The following DCAF15 variants were observed in gnomAD, a reference collection of about 807,000 sequenced individuals.
The protein encoded by DCAF15 is DDB1- and CUL4-associated factor 15.
In DCAF15, 24 loss-of-function variants were observed where a neutral mutation model predicts 68.0. The observed-to-expected ratio is 0.35, with a 90% confidence interval of 0.26 to 0.50. The LOEUF (loss-of-function observed/expected upper bound fraction) is 0.50. Ranked by LOEUF, DCAF15 falls within the 20% of genes least tolerant of loss-of-function variation. The probability of loss-of-function intolerance (pLI) is 0.98; values close to 1 mark genes in which losing one functional copy is unlikely to be tolerated. For missense variants in DCAF15, 627 were observed against 830.6 expected, an observed-to-expected ratio of 0.75 and a Z score of 3.01; for synonymous variants, 376 against 341.6, an observed-to-expected ratio of 1.10 and a Z score of -1.11.
At position 13,954,515 on chromosome 19, in the gene DCAF15, C is replaced by T. The variant is rs1418520347; in HGVS notation, c.231-11C>T. On this transcript the variant is annotated splice_polypyrimidine_tract_variant and intron_variant, in intron 2 of 12. Transcript: ENST00000254337. ...CCTGACCTGGCCGCTGTGCCCCCTCCACCCCCACAGACATATCTTCCTGGG... is the reference window on the plus strand; with the variant it reads ...CCTGACCTGGCCGCTGTGCCCCCTCTACCCCCACAGACATATCTTCCTGGG... The T allele has an allele frequency of 1.9e-6, 3 of 1,614,164 alleles. No homozygotes were observed. Among genetic ancestry groups the T allele is most frequent in the Admixed American group, 1.7e-5 (1 of 60,012 alleles).
intron 1 of DCAF15, chr19:13,952,923 G>A: frequency 1.2e-6 from 1 of 849,038 alleles, no homozygotes; most frequent in Non-Finnish European, 1.7e-6. Context: ...GGAGGGAGGC[G>A]ACCCCAGAGG....
rs773923258 is a variant in DCAF15, at chr19:13,961,280, G to A, written c.*285G>A. On this transcript the variant is annotated 3_prime_UTR_variant, in exon 13 of 13. Transcript: ENST00000254337. Reference sequence around the variant, plus strand: ...GAGCTGGGCATGGGCCTGGCCCCTCGTGCATTTGCCCTTTTCTCGGCTACA... The same window carrying A: ...GAGCTGGGCATGGGCCTGGCCCCTCATGCATTTGCCCTTTTCTCGGCTACA... The A allele has an allele frequency of 5.7e-5, 30 of 529,388 alleles. No individual in the cohort carries two copies. Among genetic ancestry groups the A allele is most frequent in the South Asian group, 8.4e-5 (4 of 47,426 alleles). 32.8% of individuals were successfully genotyped at this position (529,388 alleles called of 1,614,324 possible).
Position 13,952,557 on chromosome 19 carries a change from C to G in DCAF15, c.45C>G (p.Ser15Arg). The G allele has an allele frequency of 1.6e-6, 2 of 1,261,382 alleles. No homozygotes were observed. Among genetic ancestry groups the G allele is most frequent in the Non-Finnish European group, 2.0e-6 (2 of 999,074 alleles). The allele number at this position is 1,261,382 out of a possible 1,614,324, so 78.1% of individuals were successfully genotyped here. The change falls in exon 1 of 13, where the codon AGC (serine) becomes AGG (arginine). Residue 15 changes from serine to arginine, a missense_variant. This residue lies in a region of DCAF15 where 273 missense variants were observed against 393.7 expected (regional missense o/e 0.69). Transcript: ENST00000254337. Reference sequence around the variant, plus strand: ...CGGAGCGGAACAGCGGGGCTGGGAGCGGCGGCGGCGGCCCCGGGGGAGCCG... The same window carrying G: ...CGGAGCGGAACAGCGGGGCTGGGAGGGGCGGCGGCGGCCCCGGGGGAGCCG... ...SKSERNSGAGSGGGGPGGAGG... is the reference protein window; with the variant it reads ...SKSERNSGAGRGGGGPGGAGG...
intron 10 of DCAF15, 30 bp downstream of exon 10, chr19:13,960,099 C>T (rs755448232): frequency 6.2e-7 from 1 of 1,611,000 alleles, no homozygotes; most frequent in Non-Finnish European, 8.5e-7. Flanking sequence ...CCTCTCTGTC[C>T]ACTAGGGGGG....
chr19:13,961,220 C>T lies in DCAF15; in HGVS notation c.*225C>T, dbSNP rs1781820732. 6.7e-6 allele frequency: 4 copies of T among 598,194 alleles called. No individual in the cohort carries two copies. The highest frequency in any genetic ancestry group is 1.9e-5 in the South Asian group (1 of 51,638). The allele number at this position is 598,194 out of a possible 1,614,324, so 37.1% of individuals were successfully genotyped here. ...GGAAGGGGCAGAGAGAGGGCGCCCC[C>T]TGCCCCACCAGCCTGAGTGCCCCGC... On this transcript the variant is annotated 3_prime_UTR_variant, in exon 13 of 13. Transcript: ENST00000254337.
chr19:13,960,621 A>T, intron 12 of DCAF15, 41 bp downstream of exon 12: 3 of 1,512,594 alleles, frequency 2.0e-6, no homozygotes, highest in Non-Finnish European at 2.7e-6. Context: ...GTCACCAGGA[A>T]CACTTGTCCT....
At chr19:13,960,775 A>T (rs1228301407) in intron 12 of DCAF15, among the ~76,000 whole-genome samples, 165 bp from the exon 13 acceptor site, 1 of 152,208 alleles carries the variant, frequency 6.6e-6, no homozygotes, top group African/African-American at 2.4e-5. Flanking sequence ...CTGGTCACTC[A>T]TTCACGCTAC....
At chr19:13,958,352 G>C (rs1973451138) in intron 6 of DCAF15, among the ~76,000 whole-genome samples, 2 of 152,150 alleles carry the variant, frequency 1.3e-5, no homozygotes, top group South Asian at 4.1e-4. Context: ...CACGGTGGTG[G>C]AGGGGAGCCC....
rs964471654 is a variant in DCAF15 at position 13,960,571 on chromosome 19, C to G, written c.1738C>G (p.Leu580Val). 18 of 1,589,292 alleles carry G rather than the reference C, an allele frequency of 1.1e-5. No homozygotes were observed. Among genetic ancestry groups the G allele is most frequent in the Non-Finnish European group, 1.5e-5 (18 of 1,169,336 alleles). The change falls in exon 12 of 13, where the codon CTG becomes GTG. Residue 580 changes from leucine to valine, a missense_variant. Physicochemically the swap from Leu to Val is conservative, Grantham distance 32 (BLOSUM62 1). This residue lies in a region of DCAF15 where 118 missense variants were observed against 211.8 expected (regional missense o/e 0.56). Coordinates refer to ENST00000254337, the MANE Select transcript of DCAF15 (RefSeq NM_138353.4). ...CGTCAACAGGATGACCAATGAGGCGCTGCACAAAGGTGGGGCTCGGTGACC... is the reference window on the plus strand; with the variant it reads ...CGTCAACAGGATGACCAATGAGGCGGTGCACAAAGGTGGGGCTCGGTGACC... ...RYVNRMTNEA[L>V]HKGCSLKVLA...
chr19:13,957,123 G>A (rs1199947364), intron 6 of DCAF15, among the ~76,000 whole-genome samples: 1 of 152,172 alleles, frequency 6.6e-6, no homozygotes, highest in Non-Finnish European at 1.5e-5. Flanking sequence ...ACGGGGTAGC[G>A]CCCCTTTCTC....
Position 13,959,948 on chromosome 19 carries a change from C to T in DCAF15, c.1441-36C>T, listed in dbSNP as rs10402005. On this transcript the variant is annotated intron_variant, in intron 9 of 12. Coordinates refer to ENST00000254337, the MANE Select transcript of DCAF15 (RefSeq NM_138353.4). Reference sequence around the variant, plus strand: ...CAGGGCCTCCTGTACTCTGGGGTCGCCCTCAACAGTTGGCATCATCCACCC... The same window carrying T: ...CAGGGCCTCCTGTACTCTGGGGTCGTCCTCAACAGTTGGCATCATCCACCC... 5.8e-3 allele frequency: 9,408 copies of T among 1,613,590 alleles called. 270 individuals carry two copies. In the African/African-American group the frequency reaches 0.075, roughly 13 times the overall value.
chr19:13,958,600 C>T (rs1973460085), intron 6 of DCAF15, among the ~76,000 whole-genome samples: 1 of 152,120 alleles, frequency 6.6e-6, no homozygotes, highest in Non-Finnish European at 1.5e-5. Context: ...AGTGTGCCCG[C>T]AGTGGTCTGG....
rs753867763 is a variant in DCAF15 at position 13,959,758 on chromosome 19, C to T, written c.1312-9C>T. The T allele has an allele frequency of 9.3e-6, 15 of 1,613,532 alleles. No individual in the cohort carries two copies. Among genetic ancestry groups the T allele is most frequent in the African/African-American group, 1.3e-5 (1 of 74,938 alleles). On this transcript the variant is annotated splice_polypyrimidine_tract_variant and intron_variant, in intron 8 of 12. Transcript: ENST00000254337. ...GCACCGTCCCCTGCGCCTACCCACT[C>T]ACCCGCAGGGCCAGTACCTGACAGT...
rs542459629 is a variant in DCAF15 at position 13,954,595 on chromosome 19, C to T, written c.300C>T (p.Asp100=). 1.4e-5 allele frequency: 22 copies of T among 1,614,168 alleles called. No individual in the cohort carries two copies. The highest frequency in any genetic ancestry group is 8.0e-5 in the African/African-American group (6 of 75,026). Residue 100 remains aspartate, a synonymous_variant, in exon 3 of 13, where the codon GAC becomes GAT. Coordinates refer to ENST00000254337, the MANE Select transcript of DCAF15 (RefSeq NM_138353.4). ...CCTACACCAGCAGCAGTGGGGATGA[C>T]GACTTCTCCTTCTACATCTACCATC... ...VLSYTSSSGD[D]DFSFYIYHLY...
rs762899262 is a variant in DCAF15 at position 13,954,520 on chromosome 19, C to G, written c.231-6C>G. 1.2e-6 allele frequency: 2 copies of G among 1,614,196 alleles called. No homozygotes were observed. The highest frequency in any genetic ancestry group is 3.3e-5 in the Admixed American group (2 of 60,018). Reference sequence around the variant, plus strand: ...CCTGGCCGCTGTGCCCCCTCCACCCCCACAGACATATCTTCCTGGGCTTTT... The same window carrying G: ...CCTGGCCGCTGTGCCCCCTCCACCCGCACAGACATATCTTCCTGGGCTTTT... On this transcript the variant is annotated splice_polypyrimidine_tract_variant and splice_region_variant and intron_variant, in intron 2 of 12. Coordinates refer to ENST00000254337, the MANE Select transcript of DCAF15 (RefSeq NM_138353.4).
chr19:13,959,388 C>T lies in DCAF15; in HGVS notation c.1128C>T (p.Ala376=). ...GETAPRDSPP[A]SEAPASEPGY... is the part of the protein sequence containing the mutation. ...CGGCACCCCGGGACAGCCCCCCTGCCTCGGAGGCACCTGCCTCCGAGCCTG... is the reference window on the plus strand; with the variant it reads ...CGGCACCCCGGGACAGCCCCCCTGCTTCGGAGGCACCTGCCTCCGAGCCTG... The change falls in exon 7 of 13, where the codon GCC becomes GCT. Residue 376 remains alanine, a synonymous_variant. Transcript: ENST00000254337. 1.2e-6 allele frequency: 2 copies of T among 1,606,128 alleles called. No homozygotes were observed. Among genetic ancestry groups the T allele is most frequent in the South Asian group, 1.1e-5 (1 of 91,074 alleles).
Position 13,961,155 on chromosome 19 carries a change from T to C in DCAF15, c.*160T>C. The C allele has an allele frequency of 6.0e-6, 5 of 831,996 alleles. No homozygotes were observed. Among genetic ancestry groups the C allele is most frequent in the Non-Finnish European group, 9.5e-6 (5 of 524,164 alleles). 51.5% of individuals were successfully genotyped at this position (831,996 alleles called of 1,614,324 possible). ...CTGGGCAGGGCAGCCTCTGTTGGCCTGAGGGTCTGGACGCTTTTTATTTAT... is the reference window on the plus strand; with the variant it reads ...CTGGGCAGGGCAGCCTCTGTTGGCCCGAGGGTCTGGACGCTTTTTATTTAT... On this transcript the variant is annotated 3_prime_UTR_variant, in exon 13 of 13. Transcript: ENST00000254337.
chr19:13,955,022 C>T (rs1973293480), intron 3 of DCAF15, among the ~76,000 whole-genome samples: 1 of 151,428 alleles, frequency 6.6e-6, no homozygotes, highest in Non-Finnish European at 1.5e-5. Context: ...AGGAGGATCA[C>T]CTGAGCCCAA....
chr19:13,956,606 G>C, intron 6 of DCAF15, 84 bp downstream of exon 6: 1 of 1,478,942 alleles, frequency 6.8e-7, no homozygotes, highest in South Asian at 1.2e-5. Flanking sequence ...GGGGCCCCAG[G>C]CGTAGAGAGG....
Sources: gnomAD v4.1 joint callset for allele counts (sites outside exome capture counted in the v4.1 genomes callset) on GRCh38, gnomAD v4.1.1 for gene constraint, gnomAD v4.1.1 regional missense constraint, MANE v1.5 for transcripts, NCBI Gene and HGNC (gene_info 2026-07-23, HGNC 2026-07-21) for gene names.